The following CCDC3 variants were observed in gnomAD, a reference collection of about 807,000 sequenced individuals.
CCDC3 encodes coiled-coil domain containing 3, also known as coiled-coil domain-containing protein 3.
Under a neutral mutation model 21.4 loss-of-function variants are expected in CCDC3, and 24 were observed. The observed-to-expected ratio is 1.12, with a 90% CI of 0.81 to 1.58. CCDC3 has a LOEUF of 1.58. CCDC3 is among the 40% of genes most tolerant of loss of function. CCDC3 has a pLI of 0.00. For synonymous variants in CCDC3, 186 were observed against 166.0 expected, an observed-to-expected ratio of 1.12 and a Z score of -0.93; for missense variants, 425 against 360.9, an observed-to-expected ratio of 1.18 and a Z score of -1.44.
intron 2 of CCDC3, among the ~76,000 whole-genome samples, chr10:12,924,049 G>A (rs186234782): frequency 6.6e-6 from 1 of 152,308 alleles, no homozygotes; most frequent in East Asian, 1.9e-4. Context: ...AAGGAGACTG[G>A]CTTCAAATGC....
chr10:13,088,831 T>A (rs559307798), intron 3 of CCDC3, among the ~76,000 whole-genome samples: 1 of 152,138 alleles, frequency 6.6e-6, no homozygotes, highest in African/African-American at 2.4e-5. Context: ...GAGACCAGCC[T>A]GGCCAATATA....
In CCDC3 at chr10:13,027,069, A is replaced by C. The variant is rs534017626; in HGVS notation, c.-2+22605T>G. On this transcript the variant is annotated intron_variant, in intron 5 of 6. Coordinates refer to the CCDC3 transcript ENST00000378839. ...CCATGGCAATCTTGGTACTTTGTAA[A>C]GGACCTGTCAACCTTGCTTTAGTAT... is the stretch of plus-strand genomic sequence containing the variant. Among the ~76,000 whole-genome samples the C allele has an allele frequency of 2.0e-5, 3 of 152,316 alleles. No homozygotes were observed. In the East Asian group the frequency reaches 5.8e-4, roughly 29 times the overall value.
intron 2 of CCDC3, among the ~76,000 whole-genome samples, chr10:12,919,520 G>A (rs1377888950): frequency 1.3e-5 from 2 of 150,316 alleles, no homozygotes; most frequent in African/African-American, 4.9e-5. Context: ...AACCCAGGAG[G>A]CAGGGTTTGC....
At chr10:13,050,183 G>A (rs1441079799) in intron 4 of CCDC3, among the ~76,000 whole-genome samples, 2 of 152,174 alleles carry the variant, frequency 1.3e-5, no homozygotes, top group Admixed American at 6.5e-5. Flanking sequence ...TGCTGTGGCC[G>A]TGGGTGTGGA....
intron 5 of CCDC3, among the ~76,000 whole-genome samples, chr10:13,035,117 C>A (rs546965046): frequency 6.6e-6 from 1 of 152,068 alleles, no homozygotes; most frequent in South Asian, 2.1e-4. Context: ...GGCATCATTG[C>A]AGGATACCCA....
chr10:13,054,276 G>A (rs182403273), intron 4 of CCDC3, among the ~76,000 whole-genome samples: 292 of 151,984 alleles, frequency 1.9e-3, no homozygotes, highest in Non-Finnish European at 3.1e-3. Flanking sequence ...AGGCCACTCC[G>A]GGCTGCCTTT....
At chr10:12,919,337 C>T (rs1360943349) in intron 2 of CCDC3, among the ~76,000 whole-genome samples, 1 of 152,106 alleles carries the variant, frequency 6.6e-6, no homozygotes, top group Non-Finnish European at 1.5e-5. Flanking sequence ...CGCCTGTAAT[C>T]CCAGCACTTT....
At chr10:12,922,899 G>C (rs1472514313) in intron 2 of CCDC3, among the ~76,000 whole-genome samples, 1 of 152,076 alleles carries the variant, frequency 6.6e-6, no homozygotes, top group African/African-American at 2.4e-5. Context: ...GGAGCCTTCC[G>C]GACTCAGGAA....
At chr10:13,089,018 A>AAT (rs1213746105) in intron 3 of CCDC3, among the ~76,000 whole-genome samples, 4 of 151,706 alleles carry the variant, frequency 2.6e-5, no homozygotes, top group African/African-American at 9.7e-5. Flanking sequence ...AAAAAAAAAA[A>AAT]AAAATAAAAG....
rs527386229 is a variant in CCDC3 at position 12,978,201 on chromosome 10, T to C, written c.549+20137A>G. ...ACCTGGCTAAGTTTTTTGTATTTAG[T>C]AGAGAGGGGGTTTCACCATGTTGGT... On this transcript the variant is annotated intron_variant, in intron 2 of 2. Transcript: ENST00000378825. Among the ~76,000 whole-genome samples, 46 of 152,102 alleles carry C rather than the reference T, an allele frequency of 3.0e-4. No individual in the cohort carries two copies. The East Asian group carries it at 7.7e-3, about 26-fold the overall frequency.
chr10:12,944,786 G>C (rs936549239), intron 2 of CCDC3, among the ~76,000 whole-genome samples: 4 of 152,150 alleles, frequency 2.6e-5, no homozygotes, highest in African/African-American at 9.7e-5. Context: ...TTGTTAGCAA[G>C]AAAAATAACT....
chr10:12,916,314 C>T (rs530077703), intron 2 of CCDC3, among the ~76,000 whole-genome samples: 1 of 152,176 alleles, frequency 6.6e-6, no homozygotes, highest in South Asian at 2.1e-4. Context: ...TGCCTGTAAT[C>T]CCAGCTACTC....
At chr10:12,981,975 T>C (rs1835504341) in intron 2 of CCDC3, among the ~76,000 whole-genome samples, 1 of 151,446 alleles carries the variant, frequency 6.6e-6, no homozygotes, top group Non-Finnish European at 1.5e-5. Flanking sequence ...ATACAAAAAT[T>C]AGCTGGGCGT....
chr10:13,086,928 G>A (rs1588421204), intron 3 of CCDC3, among the ~76,000 whole-genome samples: 1 of 152,154 alleles, frequency 6.6e-6, no homozygotes. Flanking sequence ...TAACAGTTAA[G>A]GAAACATGAA....
chr10:12,905,859 C>T (rs892110622), intron 2 of CCDC3, among the ~76,000 whole-genome samples: 2 of 152,142 alleles, frequency 1.3e-5, no homozygotes, highest in Admixed American at 6.5e-5. Flanking sequence ...CGCAGTTGGC[C>T]GGTTAATTCT....
At chr10:12,938,360 A>C (rs545313678) in intron 2 of CCDC3, among the ~76,000 whole-genome samples, 1 of 152,290 alleles carries the variant, frequency 6.6e-6, no homozygotes, top group Non-Finnish European at 1.5e-5. Context: ...CAGTAACCAC[A>C]TGGATAATGC....
rs181822274 is a variant in CCDC3, at chr10:12,989,444, C to T, written c.549+8894G>A. On this transcript the variant is annotated intron_variant, in intron 2 of 2. Coordinates refer to ENST00000378825, the MANE Select transcript of CCDC3 (RefSeq NM_031455.4). ...CATTCATTTTACTTACTTATTTAGA[C>T]AAAGTCTCTCTCTGTCGCCCAAGCT... is the stretch of plus-strand genomic sequence containing the variant. Among the ~76,000 whole-genome samples the T allele has an allele frequency of 4.6e-5, 7 of 152,288 alleles. No individual in the cohort carries two copies. The East Asian group carries it at 1.4e-3, about 29-fold the overall frequency.
intron 4 of CCDC3, among the ~76,000 whole-genome samples, chr10:13,052,127 C>A (rs547304251): frequency 6.6e-6 from 1 of 152,144 alleles, no homozygotes; most frequent in Non-Finnish European, 1.5e-5. Context: ...GTGATCCCAG[C>A]GCTTTGAGAG....
At position 13,041,330 on chromosome 10, in the gene CCDC3, G is replaced by C. The variant is rs72777485; in HGVS notation, c.-2+8344C>G. Among the ~76,000 whole-genome samples the C allele has an allele frequency of 6.7e-3, 1,021 of 151,800 alleles. 4 individuals are homozygous for C. The highest frequency in any genetic ancestry group is 9.7e-3 in the Non-Finnish European group (662 of 67,950). ...GACATCCGACCAATTCTTATTTCTG[G>C]TATAACTATACAGACTAAAACACCA... On this transcript the variant is annotated intron_variant, in intron 5 of 6. Transcript: ENST00000378839.
Sources: allele counts gnomAD v4.1 joint callset (sites outside exome capture counted in the v4.1 genomes callset), GRCh38; gene constraint gnomAD v4.1.1; transcripts MANE v1.5; gene names NCBI Gene and HGNC (gene_info 2026-07-23, HGNC 2026-07-21).